Variants in RAPGEF1 observed in about 807,000 individuals in gnomAD.
RAPGEF1 encodes the protein CRK SH3-binding GNRP.
RAPGEF1 carries 33 observed loss-of-function variants against 143.3 expected under a neutral mutation model. The observed-to-expected ratio is 0.23, with a 90% CI of 0.17 to 0.31. The LOEUF (loss-of-function observed/expected upper bound fraction) is 0.31. Among genes scored for constraint, RAPGEF1 ranks in the 10% least tolerant of loss-of-function variants. The probability of loss-of-function intolerance (pLI) is 1.00; values close to 1 mark genes in which losing one functional copy is unlikely to be tolerated. For missense variants in RAPGEF1, 1,199 were observed against 1,645.4 expected, an observed-to-expected ratio of 0.73 and a Z score of 4.69; for synonymous variants, 629 against 676.5, an observed-to-expected ratio of 0.93 and a Z score of 1.09.
intron 1 of RAPGEF1, among the ~76,000 whole-genome samples, chr9:131,700,621 T>A (rs1168892907): frequency 6.6e-6 from 1 of 152,146 alleles, no homozygotes; most frequent in Non-Finnish European, 1.5e-5. Context: ...ACAATAGAAT[T>A]TTTTTTAGTA....
chr9:131,579,739 TCC>T, intron 26 of RAPGEF1, 92 bp from the exon 27 acceptor site: 4 of 1,377,588 alleles, frequency 2.9e-6, no homozygotes, highest in Non-Finnish European at 4.0e-6. Flanking sequence ...GCGGGGACCA[TCC>T]CCACAGCCTC....
intron 1 of RAPGEF1, among the ~76,000 whole-genome samples, chr9:131,657,792 C>G (rs1025575007): frequency 6.6e-6 from 1 of 152,246 alleles, no homozygotes; most frequent in Non-Finnish European, 1.5e-5. Context: ...CTCTTCCCTA[C>G]AGGCAGCCCG....
intron 1 of RAPGEF1, among the ~76,000 whole-genome samples, chr9:131,674,024 A>G (rs1363576922): frequency 6.6e-6 from 1 of 152,242 alleles, no homozygotes; most frequent in African/African-American, 2.4e-5. Flanking sequence ...TAAACTCTGT[A>G]AAAAGCAGAA....
chr9:131,634,027 C>T lies in RAPGEF1; in HGVS notation c.652-3703G>A, dbSNP rs191714620. ...CTGTAATCCTAGCACTTTGTGAGGCCGAGGCAAGTGAATCACTTGAGCCCA... is the reference window on the plus strand; with the variant it reads ...CTGTAATCCTAGCACTTTGTGAGGCTGAGGCAAGTGAATCACTTGAGCCCA... On this transcript the variant is annotated intron_variant, in intron 5 of 26. Coordinates refer to ENST00000683357, the MANE Select transcript of RAPGEF1 (RefSeq NM_001377935.1). Among the ~76,000 whole-genome samples the T allele has an allele frequency of 2.0e-3, 298 of 152,228 alleles. 2 individuals carry two copies. The highest frequency in any genetic ancestry group is 6.8e-3 in the African/African-American group (282 of 41,536).
rs1306924901 is a variant in RAPGEF1, at chr9:131,626,048, C to G, written c.1576G>C (p.Ala526Pro). Residue 526 changes from alanine (A) to proline (P), a missense_variant, in exon 10 of 27, where the codon GCT becomes CCT. Ala to Pro is a conservative substitution (Grantham distance 27, BLOSUM62 -1). This residue lies in a region of RAPGEF1 where 613 missense variants were observed against 710.9 expected (regional missense o/e 0.86). Transcript: ENST00000683357. ...IPSVPYAPFA[A>P]ILPFQHGGSS... Reference sequence around the variant, plus strand: ...CCTCCATGCTGAAAGGGCAGAATAGCAGCAAAGGGCGCGTAGGGGACGGAT... The same window carrying G: ...CCTCCATGCTGAAAGGGCAGAATAGGAGCAAAGGGCGCGTAGGGGACGGAT... The G allele has an allele frequency of 6.2e-7, 1 of 1,613,412 alleles. No homozygotes were observed. Among genetic ancestry groups the G allele is most frequent in the African/African-American group, 1.3e-5 (1 of 74,934 alleles).
chr9:131,615,046 C>T (rs1320018146), intron 12 of RAPGEF1, among the ~76,000 whole-genome samples: 2 of 152,164 alleles, frequency 1.3e-5, no homozygotes, highest in African/African-American at 4.8e-5. Flanking sequence ...AAAGAACGTA[C>T]AAGAAAGTAG....
chr9:131,586,902 A>C (rs1314910030), intron 22 of RAPGEF1, among the ~76,000 whole-genome samples: 1 of 112,294 alleles, frequency 8.9e-6, no homozygotes, highest in African/African-American at 3.8e-5. Flanking sequence ...ACACACACAC[A>C]CCTGCAGAGC....
chr9:131,679,014 G>T (rs369439368), intron 1 of RAPGEF1, among the ~76,000 whole-genome samples: 5 of 152,306 alleles, frequency 3.3e-5, no homozygotes, highest in East Asian at 3.9e-4. Flanking sequence ...GATTAAAAAT[G>T]CAGGAATTCC....
At chr9:131,706,759 G>A (rs1208261465) in intron 1 of RAPGEF1, among the ~76,000 whole-genome samples, 2 of 152,160 alleles carry the variant, frequency 1.3e-5, no homozygotes, top group African/African-American at 2.4e-5. Context: ...ACTTTGGACC[G>A]CAGTCCCCGG....
chr9:131,617,917 G>A (rs1959280815), intron 12 of RAPGEF1, among the ~76,000 whole-genome samples: 1 of 152,170 alleles, frequency 6.6e-6, no homozygotes, highest in South Asian at 2.1e-4. Context: ...GGAGAATGGT[G>A]GCCATTTTGG....
intron 1 of RAPGEF1, among the ~76,000 whole-genome samples, chr9:131,657,250 C>G (rs1431521242): frequency 6.6e-6 from 1 of 152,190 alleles, no homozygotes; most frequent in African/African-American, 2.4e-5. Context: ...GGCAGACAGA[C>G]AGACAGACAG....
intron 1 of RAPGEF1, among the ~76,000 whole-genome samples, chr9:131,685,373 C>T (rs1357619813): frequency 6.6e-6 from 1 of 152,230 alleles, no homozygotes; most frequent in Non-Finnish European, 1.5e-5. Context: ...CTCTGCAGCA[C>T]TGGGACATTT....
Position 131,582,637 on chromosome 9 carries a change from G to T in RAPGEF1, c.3480C>A (p.Leu1160=). The T allele has an allele frequency of 6.5e-7, 1 of 1,533,938 alleles. No homozygotes were observed. ...GGATGCACGGCGGTTCCACCTCCGA[G>T]AGGGCGGCCCGGTAGGCTCGGAAGG... ...SSSFRAYRAA[L]SEVEPPCIPY... Residue 1160 remains leucine, a synonymous_variant, in exon 25 of 27, where the codon CTC becomes CTA. Coordinates refer to ENST00000683357, the MANE Select transcript of RAPGEF1 (RefSeq NM_001377935.1).
intron 1 of RAPGEF1, among the ~76,000 whole-genome samples, chr9:131,688,092 T>C (rs1446793498): frequency 6.6e-6 from 1 of 152,204 alleles, no homozygotes; most frequent in African/African-American, 2.4e-5. Context: ...TCTCTTGACC[T>C]TTCCAAGGTT....
intron 1 of RAPGEF1, among the ~76,000 whole-genome samples, chr9:131,716,951 G>A (rs543444988): frequency 6.6e-6 from 1 of 152,248 alleles, no homozygotes; most frequent in South Asian, 2.1e-4. Flanking sequence ...GCACCTGCCT[G>A]CCTGCACTGT....
At chr9:131,590,978 T>C (rs1179057577) in intron 18 of RAPGEF1, among the ~76,000 whole-genome samples, 2 of 152,196 alleles carry the variant, frequency 1.3e-5, no homozygotes, top group African/African-American at 4.8e-5. Flanking sequence ...GGTAATTTTA[T>C]ACACACCCAC....
intron 18 of RAPGEF1, 143 bp downstream of exon 18, chr9:131,591,956 T>C: frequency 1.7e-6 from 1 of 592,096 alleles, no homozygotes; most frequent in Non-Finnish European, 3.0e-6. Context: ...CCTCGGTCCA[T>C]GGGGCTCCTG....
At chr9:131,589,658 C>G (rs934149048) in intron 19 of RAPGEF1, among the ~76,000 whole-genome samples, 3 of 152,148 alleles carry the variant, frequency 2.0e-5, no homozygotes, top group African/African-American at 7.2e-5. Flanking sequence ...GGGTTCTCTC[C>G]TGAGGGTCCA....
chr9:131,700,991 C>T (rs1834597747), intron 1 of RAPGEF1, among the ~76,000 whole-genome samples: 3 of 152,022 alleles, frequency 2.0e-5, no homozygotes, highest in Admixed American at 1.3e-4. Context: ...TAGAAGTTTA[C>T]CAACCCCTGG....
Sources: allele counts gnomAD v4.1 joint callset (sites outside exome capture counted in the v4.1 genomes callset), GRCh38; gene constraint gnomAD v4.1.1; regional missense constraint gnomAD v4.1.1; transcripts MANE v1.5; gene names NCBI Gene and HGNC (gene_info 2026-07-23, HGNC 2026-07-21).